The following ANKRD40 variants were observed in gnomAD, a reference collection of about 807,000 sequenced individuals.
The protein encoded by ANKRD40 is ankyrin repeat domain-containing protein 40.
Under a neutral mutation model 35.5 loss-of-function variants are expected in ANKRD40, and 24 were observed. That is an observed-to-expected ratio of 0.68 (90% CI 0.49 to 0.95). The LOEUF is 0.95. Ranked by LOEUF, ANKRD40 falls within the 40% of genes least tolerant of loss-of-function variation. The pLI is 0.00. For synonymous variants in ANKRD40, 147 were observed against 173.5 expected (o/e 0.85, Z 1.20); for missense variants, 361 against 436.0 (o/e 0.83, Z 1.53).
chr17:50,706,125 C>CT (rs60793271), intron 1 of ANKRD40, among the ~76,000 whole-genome samples: 289 of 142,260 alleles, frequency 2.0e-3, no homozygotes, highest in African/African-American at 2.7e-3. Flanking sequence ...TGTAAACTCA[C>CT]TTTTTTTTTT....
At position 50,693,628 on chromosome 17, in the gene ANKRD40, C is replaced by T. The variant is rs1359409373; in HGVS notation, c.*2369G>A. On this transcript the variant is annotated 3_prime_UTR_variant, in exon 5 of 5. Transcript: ENST00000285243. ...CTGCAGCTGCTCCTCTGGAGGCCAT[C>T]TCCCAGCCAGGGGCTCCACTGCTCC... 2.0e-5 allele frequency: 3 copies of T among 152,278 alleles called. No homozygotes were observed. The highest frequency in any genetic ancestry group is 6.5e-5 in the Admixed American group (1 of 15,290). 9.4% of individuals were successfully genotyped at this position (152,278 alleles called of 1,614,324 possible). A position where few individuals can be genotyped will look rare whatever the true frequency, so the allele number is the denominator to read the frequency against.
rs774082706 is a variant in ANKRD40 at position 50,697,096 on chromosome 17, C to G, written c.804G>C (p.Gln268His). ...AATCATTTTCTCGAAGAGATGGGTT[C>G]TGAATTCTCACCTTGAGTACCAGCT... is the stretch of plus-strand genomic sequence containing the variant. ...MQELVLKVRIQNPSLRENDFI... is the reference protein window; with the variant it reads ...MQELVLKVRIHNPSLRENDFI... Residue 268 changes from glutamine to histidine, a missense_variant, in exon 4 of 5, where the codon CAG (glutamine) becomes CAC (histidine). This residue lies in a region of ANKRD40 where 93 missense variants were observed against 129.6 expected (regional missense o/e 0.72). Coordinates refer to ENST00000285243, the MANE Select transcript of ANKRD40 (RefSeq NM_052855.4). 2 of 1,612,710 alleles carry G rather than the reference C, an allele frequency of 1.2e-6. No individual in the cohort carries two copies. Among genetic ancestry groups the G allele is most frequent in the Non-Finnish European group, 1.7e-6 (2 of 1,179,608 alleles).
intron 2 of ANKRD40, 21 bp from the exon 3 acceptor site, chr17:50,699,914 A>G: frequency 6.8e-7 from 1 of 1,478,522 alleles, no homozygotes; most frequent in Non-Finnish European, 9.0e-7. Flanking sequence ...AGAAAACAGA[A>G]CATTTACACA....
intron 1 of ANKRD40, among the ~76,000 whole-genome samples, chr17:50,702,090 G>C (rs1404460250): frequency 6.6e-6 from 1 of 152,162 alleles, no homozygotes; most frequent in Non-Finnish European, 1.5e-5. Flanking sequence ...GGAAGTGTTT[G>C]CTTGGCATGT....
At chr17:50,706,107 A>G (rs1968333972) in intron 1 of ANKRD40, among the ~76,000 whole-genome samples, 1 of 151,252 alleles carries the variant, frequency 6.6e-6, no homozygotes, top group African/African-American at 2.4e-5. Flanking sequence ...CCACTTAAAA[A>G]AACAAAATGT....
At chr17:50,703,046 G>A (rs897766492) in intron 1 of ANKRD40, among the ~76,000 whole-genome samples, 1 of 152,176 alleles carries the variant, frequency 6.6e-6, no homozygotes, top group Non-Finnish European at 1.5e-5. Flanking sequence ...TCAGACCTGA[G>A]GCACTGGGTG....
In ANKRD40 at chr17:50,699,364, C is replaced by T. The variant is rs77954842; in HGVS notation, c.778+35G>A. 5.1e-3 allele frequency: 8,240 copies of T among 1,601,040 alleles called. 204 individuals carry two copies. The Admixed American group carries it at 0.058, about 11-fold the overall frequency. ...TCCCACCCCTCTGGACACCAACTCC[C>T]CTGTTGCAGAGGCTGTTTGCTGATG... On this transcript the variant is annotated intron_variant, in intron 3 of 4. Coordinates refer to ENST00000285243, the MANE Select transcript of ANKRD40 (RefSeq NM_052855.4).
intron 1 of ANKRD40, among the ~76,000 whole-genome samples, chr17:50,703,613 G>A (rs750332323): frequency 3.9e-5 from 6 of 152,128 alleles, no homozygotes; most frequent in Non-Finnish European, 8.8e-5. Flanking sequence ...AAGACAAAAC[G>A]CAAAGATCTT....
Position 50,696,023 on chromosome 17 carries a change from T to G in ANKRD40, c.1081A>C (p.Arg361=). Residue 361 remains arginine (R), a synonymous_variant, in exon 5 of 5, where the codon AGG becomes CGG. Coordinates refer to ENST00000285243, the MANE Select transcript of ANKRD40 (RefSeq NM_052855.4). ...TAGTAAGTCAGTTTTGAAGCTCTCC[T>G]GTTATAGCAAGGCCTTTCAGTCAGT... The part of the protein sequence containing the change: ...STLTERPCYN[R]RASKLTY 6.2e-7 allele frequency: 1 copy of G among 1,614,210 alleles called. No individual in the cohort carries two copies. Among genetic ancestry groups the G allele is most frequent in the African/African-American group, 1.3e-5 (1 of 75,060 alleles).
At position 50,707,264 on chromosome 17, in the gene ANKRD40, G is replaced by T. The variant is rs1304679525; in HGVS notation, c.134+257C>A. On this transcript the variant is annotated intron_variant, in intron 1 of 4. Coordinates refer to ENST00000285243, the MANE Select transcript of ANKRD40 (RefSeq NM_052855.4). The surrounding 1 kb of genome is among the most constrained non-coding windows in gnomAD (Gnocchi z 4.8). ...TGACCAAGTGAGCCGGGAGCGCGGG[G>T]GAAGGGGGTAGGGCACCAGAGTCCC... 6.6e-6 allele frequency among the ~76,000 whole-genome samples: 1 copy of T among 152,146 alleles called. No homozygotes were observed. The highest frequency in any genetic ancestry group is 1.5e-5 in the Non-Finnish European group (1 of 68,016).
chr17:50,701,848 C>G (rs1269439476), intron 1 of ANKRD40, among the ~76,000 whole-genome samples: 1 of 152,038 alleles, frequency 6.6e-6, no homozygotes, highest in Non-Finnish European at 1.5e-5. Context: ...GCTGATTTGC[C>G]CTGGGCTTAA....
In ANKRD40 at chr17:50,697,224, G is replaced by T. The variant is rs8075158; in HGVS notation, c.779-103C>A. 2.6e-3 allele frequency: 2,941 copies of T among 1,134,272 alleles called. 55 individuals are homozygous for T. The African/African-American group carries it at 0.04, about 15-fold the overall frequency. The allele number at this position is 1,134,272 out of a possible 1,614,324, so 70.3% of individuals were successfully genotyped here. On this transcript the variant is annotated intron_variant, in intron 3 of 4. Transcript: ENST00000285243. ...ATGGTTATACTTAATCATGCCAAAGGTCTGTGCATGATTAACAGACCTGTT... is the reference window on the plus strand; with the variant it reads ...ATGGTTATACTTAATCATGCCAAAGTTCTGTGCATGATTAACAGACCTGTT...
chr17:50,707,718 G>A lies in ANKRD40; in HGVS notation c.-64C>T. The stretch of plus-strand genomic sequence containing the variant: ...CCCGCCCCGCCCGGGGCCTGTCAGC[G>A]CCGCCGCCGTCGCCGCGGCCCGCTC... On this transcript the variant is annotated 5_prime_UTR_variant, in exon 1 of 5. Coordinates refer to ENST00000285243, the MANE Select transcript of ANKRD40 (RefSeq NM_052855.4). The surrounding 1 kb of genome is among the most constrained non-coding windows in gnomAD (Gnocchi z 4.8). 1.7e-6 allele frequency: 2 copies of A among 1,169,074 alleles called. No homozygotes were observed. Among genetic ancestry groups the A allele is most frequent in the Non-Finnish European group, 2.1e-6 (2 of 942,874 alleles). The allele number at this position is 1,169,074 out of a possible 1,614,324, so 72.4% of individuals were successfully genotyped here.
chr17:50,699,604 C>T lies in ANKRD40; in HGVS notation c.573G>A (p.Ser191=), dbSNP rs746675478. ...GTGTTCTGAGTATGGCAGAGGGGGC[C>T]GACACATCACCATTCTGAACTAGTG... ...SLALVQNGDV[S]APSAILRTPE... The change falls in exon 3 of 5, where the codon TCG becomes TCA. Residue 191 remains serine, a synonymous_variant. Coordinates refer to ENST00000285243, the MANE Select transcript of ANKRD40 (RefSeq NM_052855.4). 2.7e-5 allele frequency: 43 copies of T among 1,613,972 alleles called. No individual in the cohort carries two copies. Among genetic ancestry groups the T allele is most frequent in the Middle Eastern group, 1.6e-4 (1 of 6,084 alleles).
intron 3 of ANKRD40, 88 bp downstream of exon 3, chr17:50,699,311 G>C: frequency 1.3e-6 from 2 of 1,489,504 alleles, no homozygotes; most frequent in Non-Finnish European, 1.8e-6. Flanking sequence ...CTGTAAGTTT[G>C]CAATTATACC....
rs772776762 is a variant in ANKRD40, at chr17:50,697,050, G to A, written c.850C>T (p.Arg284Ter). Residue 284 changes from arginine to a stop codon, truncating the protein, a stop_gained, in exon 4 of 5, where the codon CGA (arginine) becomes TGA (stop). Transcript: ENST00000285243. LOFTEE classifies it high-confidence loss of function. ...ENDFIEIELD[R>*]QELTYQELLR... The stretch of plus-strand genomic sequence containing the variant: ...AACTCTTGGTAGGTGAGCTCCTGTC[G>A]GTCCAGTTCAATTTCAATGAAATCA... 14 of 1,614,008 alleles carry A rather than the reference G, an allele frequency of 8.7e-6. No homozygotes were observed. Among genetic ancestry groups the A allele is most frequent in the South Asian group, 3.3e-5 (3 of 91,060 alleles).
intron 3 of ANKRD40, 109 bp from the exon 4 acceptor site, chr17:50,697,230 G>A (rs1597866655): frequency 1.8e-6 from 2 of 1,081,530 alleles, no homozygotes; most frequent in Non-Finnish European, 2.6e-6. Context: ...AAAGGTCTGT[G>A]CATGATTAAC....
At chr17:50,700,792 T>C in intron 1 of ANKRD40, 76 bp from the exon 2 acceptor site, 2 of 1,412,742 alleles carry the variant, frequency 1.4e-6, no homozygotes, top group South Asian at 1.4e-5. Flanking sequence ...TAGTAAATAA[T>C]GTATAAACAA....
At chr17:50,698,469 A>T (rs1455527647) in intron 3 of ANKRD40, among the ~76,000 whole-genome samples, 1 of 152,200 alleles carries the variant, frequency 6.6e-6, no homozygotes, top group Non-Finnish European at 1.5e-5. Flanking sequence ...ATACCAACTA[A>T]TAAGTAGAGA....
Sources: allele counts gnomAD v4.1 joint callset (sites outside exome capture counted in the v4.1 genomes callset), GRCh38; gene constraint gnomAD v4.1.1; regional missense constraint gnomAD v4.1.1; non-coding constraint Gnocchi (gnomAD v3.1); transcripts MANE v1.5; gene names NCBI Gene and HGNC (gene_info 2026-07-23, HGNC 2026-07-21).